POMK: variants seen among roughly 807,000 people sequenced by gnomAD.
The protein encoded by POMK is Sugen kinase 196.
A neutral mutation model predicts 23.0 loss-of-function variants in POMK; 19 were observed. That is an observed-to-expected ratio of 0.83 (90% confidence interval 0.58 to 1.21). The LOEUF (loss-of-function observed/expected upper bound fraction) is 1.21. POMK is among the 50% of genes most tolerant of loss of function. The pLI is 0.00. For missense variants in POMK, 410 were observed against 431.3 expected, an observed-to-expected ratio of 0.95 and a Z score of 0.44; for synonymous variants, 173 against 171.6, an observed-to-expected ratio of 1.01 and a Z score of -0.06.
chr8:43,116,259 T>C (rs947707252), intron 4 of POMK, among the ~76,000 whole-genome samples: 6 of 152,324 alleles, frequency 3.9e-5, no homozygotes, highest in Admixed American at 1.3e-4. Flanking sequence ...AAGACCACAT[T>C]AACTAAGTTA....
At chr8:43,119,157 A>T (rs1366306026) in intron 4 of POMK, among the ~76,000 whole-genome samples, 1 of 152,062 alleles carries the variant, frequency 6.6e-6, no homozygotes, top group Non-Finnish European at 1.5e-5. Flanking sequence ...AAAAGCCAGC[A>T]TCGTTTTTAG....
intron 2 of POMK, among the ~76,000 whole-genome samples, chr8:43,100,394 G>C (rs1316763148): frequency 6.6e-6 from 1 of 152,072 alleles, no homozygotes; most frequent in African/African-American, 2.4e-5. Context: ...GTTATGGCTG[G>C]AGAGAGGCCC....
intron 4 of POMK, among the ~76,000 whole-genome samples, chr8:43,106,447 A>T (rs951582450): frequency 8.9e-4 from 124 of 138,932 alleles, no homozygotes; most frequent in African/African-American, 3.2e-3. Context: ...TCTTAACTCT[A>T]TTTGTTTCCT....
At position 43,122,780 on chromosome 8, in the gene POMK, C is replaced by T. The variant is rs1811950039; in HGVS notation, c.956C>T (p.Ser319Leu). The T allele has an allele frequency of 6.2e-7, 1 of 1,614,196 alleles. No individual in the cohort carries two copies. Among genetic ancestry groups the T allele is most frequent in the Non-Finnish European group, 8.5e-7 (1 of 1,180,024 alleles). ...IHKACKSQTP[S>L]ERPTAQDVLE... ...AAAGCATGCAAGAGCCAGACTCCCT[C>T]AGAAAGACCCACTGCCCAGGACGTT... The change falls in exon 5 of 5, where the codon TCA becomes TTA. Residue 319 changes from serine (S) to leucine (L), a missense_variant. Ser to Leu is a moderately radical substitution (Grantham distance 145). Transcript: ENST00000331373.
At chr8:43,105,123 G>A (rs1199375214) in intron 4 of POMK, among the ~76,000 whole-genome samples, 1 of 152,186 alleles carries the variant, frequency 6.6e-6, no homozygotes, top group South Asian at 2.1e-4. Flanking sequence ...CCTACTTACA[G>A]TGTGTAGTTA....
chr8:43,105,483 T>G (rs73629152), intron 4 of POMK, among the ~76,000 whole-genome samples: 7,724 of 152,304 alleles, frequency 0.051, 403 homozygotes, highest in African/African-American at 0.13. Flanking sequence ...GTCCTCCAGT[T>G]CCTTTCATGT....
intron 4 of POMK, among the ~76,000 whole-genome samples, chr8:43,117,428 C>T (rs1811823122): frequency 6.6e-6 from 1 of 152,126 alleles, no homozygotes; most frequent in Non-Finnish European, 1.5e-5. Flanking sequence ...TTGGTTTTTT[C>T]ACAGTGAGTG....
In POMK at chr8:43,109,499, C is replaced by CT. The variant is rs1464198650; in HGVS notation, c.282+5670dup. On this transcript the variant is annotated intron_variant, in intron 4 of 4. Coordinates refer to ENST00000331373, the MANE Select transcript of POMK (RefSeq NM_032237.5). ...CCAGTTTTAATTACATCTTATAAAT[C>CT]TGTCTAGTTCTAATTAGTTTGACCA... is the stretch of plus-strand genomic sequence containing the variant. 2.0e-5 allele frequency among the ~76,000 whole-genome samples: 3 copies of CT among 152,158 alleles called. No individual in the cohort carries two copies. In the East Asian group the frequency reaches 5.8e-4, roughly 29 times the overall value.
At chr8:43,112,000 A>G (rs942760428) in intron 4 of POMK, among the ~76,000 whole-genome samples, 1 of 152,232 alleles carries the variant, frequency 6.6e-6, no homozygotes, top group African/African-American at 2.4e-5. Flanking sequence ...AACTCTAAAA[A>G]TCAGAGCGCC....
intron 2 of POMK, among the ~76,000 whole-genome samples, chr8:43,097,915 C>T (rs1429498071): frequency 1.3e-5 from 2 of 152,038 alleles, no homozygotes; most frequent in African/African-American, 2.4e-5. Flanking sequence ...ATAGGAGAGA[C>T]CTGGGCTGCA....
At chr8:43,108,572 C>A (rs1193292614) in intron 4 of POMK, among the ~76,000 whole-genome samples, 1 of 152,178 alleles carries the variant, frequency 6.6e-6, no homozygotes, top group Non-Finnish European at 1.5e-5. Flanking sequence ...AAAGAATCAG[C>A]AGCATTTTAA....
At chr8:43,100,266 C>A (rs917538813) in intron 2 of POMK, among the ~76,000 whole-genome samples, 3 of 152,028 alleles carry the variant, frequency 2.0e-5, no homozygotes, top group African/African-American at 7.3e-5. Flanking sequence ...AGCCTTATGG[C>A]AGGTGAGGCT....
chr8:43,100,636 C>T (rs763152012), intron 2 of POMK, among the ~76,000 whole-genome samples: 4 of 151,534 alleles, frequency 2.6e-5, no homozygotes, highest in Admixed American at 6.6e-5. Context: ...TGTGTGCATG[C>T]GCTAATAAAG....
intron 3 of POMK, among the ~76,000 whole-genome samples, chr8:43,102,804 A>C (rs1811470664): frequency 6.6e-6 from 1 of 152,094 alleles, no homozygotes. Context: ...AGGCCCCTCC[A>C]CCATGGCCTT....
chr8:43,117,220 TC>T, intron 4 of POMK, among the ~76,000 whole-genome samples: 1 of 152,354 alleles, frequency 6.6e-6, no homozygotes, highest in East Asian at 1.9e-4. Context: ...CTTTTGTGAT[TC>T]TTCAGTTACT....
intron 4 of POMK, among the ~76,000 whole-genome samples, chr8:43,118,257 T>G (rs1371352884): frequency 6.6e-6 from 1 of 152,212 alleles, no homozygotes; most frequent in Non-Finnish European, 1.5e-5. Context: ...TCTACATGTA[T>G]ATATGGAAAG....
chr8:43,117,438 G>C (rs532463946), intron 4 of POMK, among the ~76,000 whole-genome samples: 9 of 152,334 alleles, frequency 5.9e-5, no homozygotes, highest in African/African-American at 1.7e-4. Flanking sequence ...CACAGTGAGT[G>C]GGCTGAGGAG....
rs1263804094 is a variant in POMK, at chr8:43,122,119, G to A, written c.295G>A (p.Glu99Lys). 1 of 1,614,024 alleles carries A rather than the reference G, an allele frequency of 6.2e-7. No individual in the cohort carries two copies. Among genetic ancestry groups the A allele is most frequent in the Admixed American group, 1.7e-5 (1 of 60,022 alleles). The change falls in exon 5 of 5, where the codon GAG becomes AAG. Residue 99 changes from glutamate to lysine, a missense_variant. Physicochemically the swap from Glu to Lys is moderately conservative, Grantham distance 56 (BLOSUM62 1). Coordinates refer to ENST00000331373, the MANE Select transcript of POMK (RefSeq NM_032237.5). ...GGCTTTGTTGCAGGTCTTTCTGTCT[G>A]AGTGGAAGGAGCACAAAGTTGCACT... ...EGAVKRVFLS[E>K]WKEHKVALSQ...
At chr8:43,095,299 A>G (rs1371847633) in intron 1 of POMK, among the ~76,000 whole-genome samples, 1 of 152,222 alleles carries the variant, frequency 6.6e-6, no homozygotes, top group Non-Finnish European at 1.5e-5. Flanking sequence ...ACTTCACAGA[A>G]TTGGTGTGAA....
Sources: gnomAD v4.1 joint callset for allele counts (sites outside exome capture counted in the v4.1 genomes callset) on GRCh38, gnomAD v4.1.1 for gene constraint, MANE v1.5 for transcripts, NCBI Gene and HGNC (gene_info 2026-07-23, HGNC 2026-07-21) for gene names.